CELSR3: variants seen among roughly 807,000 people sequenced by gnomAD.
CELSR3 encodes the protein cadherin EGF LAG seven-pass G-type receptor 3.
In CELSR3, 73 loss-of-function variants were observed where a neutral mutation model predicts 270.0. The observed-to-expected ratio is 0.27, with a 90% CI of 0.22 to 0.33. CELSR3 has a LOEUF of 0.33. Among genes scored for constraint, CELSR3 ranks in the 10% least tolerant of loss-of-function variants. CELSR3 has a pLI of 1.00. For synonymous variants in CELSR3, 1,780 were observed against 1,905.4 expected (o/e 0.93, Z 1.71); for missense variants, 3,614 against 4,533.8 (o/e 0.80, Z 5.83).
rs759393208 is a variant in CELSR3, at chr3:48,645,526, G to A, written c.7714C>T (p.Arg2572Cys). The change falls in exon 24 of 35, where the codon CGT becomes TGT. Residue 2572 changes from arginine to cysteine, a missense_variant. Transcript: ENST00000164024. This position sits in a 1 kb window ranked among gnomAD's most constrained non-coding sequence, Gnocchi z 5.4. ...GCTGCCACATTGGCATGGATCCCAC[G>A]CACATTGGACTTGAGGCTGCGCAGG... ...LSLRSLKSNV[R>C]GIHANVAAAL... is the part of the protein sequence containing the mutation. 19 of 1,612,634 alleles carry A rather than the reference G, an allele frequency of 1.2e-5. No homozygotes were observed. The African/African-American group carries it at 1.3e-4, about 11-fold the overall frequency.
In CELSR3 at chr3:48,661,913, G is replaced by A; in HGVS notation, c.722C>T (p.Ser241Phe). The change falls in exon 1 of 35, where the codon TCT (serine) becomes TTT (phenylalanine). Residue 241 changes from serine (S) to phenylalanine (F), a missense_variant. Physicochemically the swap from Ser to Phe is radical, Grantham distance 155. This residue lies in a region of CELSR3 where 470 missense variants were observed against 469.7 expected (regional missense o/e 1.00). Transcript: ENST00000164024. ...RRNCLPGASG[S>F]GPELDSAPRT... ...TGGTGCTGAATCCAGCTCGGGGCCA[G>A]ATCCCGAGGCCCCTGGAAGACAGTT... 6.2e-7 allele frequency: 1 copy of A among 1,612,734 alleles called. No individual in the cohort carries two copies. Among genetic ancestry groups the A allele is most frequent in the Non-Finnish European group, 8.5e-7 (1 of 1,179,956 alleles).
chr3:48,661,849 G>T lies in CELSR3; in HGVS notation c.786C>A (p.Pro262=), dbSNP rs760881776. The T allele has an allele frequency of 1.6e-5, 26 of 1,610,590 alleles. No homozygotes were observed. The highest frequency in any genetic ancestry group is 6.7e-5 in the Admixed American group (4 of 59,948). ...ARTAPASGSA[P]RESRTAPEPA... ...GCTCGGGAGCTGTCCGAGACTCGCG[G>T]GGTGCTGAACCTGATGCAGGAGCTG... The change falls in exon 1 of 35, where the codon CCC becomes CCA. Residue 262 remains proline, a synonymous_variant. Transcript: ENST00000164024.
In CELSR3 at chr3:48,651,916, G is replaced by C. The variant is rs371994495; in HGVS notation, c.5884C>G (p.Arg1962Gly). Residue 1962 changes from arginine to glycine, a missense_variant, in exon 12 of 35, where the codon CGG becomes GGG. Around this residue, in one of 7 missense-constraint regions of CELSR3, gnomAD observed 1,331 missense variants for 1,933.7 expected, o/e 0.69. Coordinates refer to ENST00000164024, the MANE Select transcript of CELSR3 (RefSeq NM_001407.3). The surrounding 1 kb of genome is among the most constrained non-coding windows in gnomAD (Gnocchi z 7.4). Reference protein sequence around the residue: ...SGPCPPHADCRDLWQTFSCTC... With the variant: ...SGPCPPHADCGDLWQTFSCTC... ...CAAGAAAAGGTCTGCCAGAGGTCCC[G>C]GCAGTCTGCGTGAGGTGGGCAGGGC... 3.7e-6 allele frequency: 6 copies of C among 1,612,398 alleles called. No individual in the cohort carries two copies. The highest frequency in any genetic ancestry group is 1.3e-5 in the African/African-American group (1 of 74,854).
rs2106712777 is a variant in CELSR3, at chr3:48,652,361, T to A, written c.5751+76A>T. The A allele has an allele frequency of 8.4e-7, 1 of 1,195,782 alleles. No homozygotes were observed. The highest frequency in any genetic ancestry group is 2.3e-5 in the East Asian group (1 of 42,902). 74.1% of individuals were successfully genotyped at this position (1,195,782 alleles called of 1,614,324 possible). ...ACCAACCCCCACTTGAATACTGCCT[T>A]TCAGGTCCCAAGGAGCCCCTGACTT... On this transcript the variant is annotated intron_variant, in intron 11 of 34. Transcript: ENST00000164024. This position sits in a 1 kb window ranked among gnomAD's most constrained non-coding sequence, Gnocchi z 4.3.
chr3:48,652,404 T>G lies in CELSR3; in HGVS notation c.5751+33A>C, dbSNP rs1456598525. 3 of 1,519,950 alleles carry G rather than the reference T, an allele frequency of 2.0e-6. No homozygotes were observed. Among genetic ancestry groups the G allele is most frequent in the Non-Finnish European group, 1.8e-6 (2 of 1,094,520 alleles). 94.2% of individuals were successfully genotyped at this position (1,519,950 alleles called of 1,614,324 possible). A position where few individuals can be genotyped will look rare whatever the true frequency, so the allele number is the denominator to read the frequency against. On this transcript the variant is annotated intron_variant, in intron 11 of 34. Coordinates refer to ENST00000164024, the MANE Select transcript of CELSR3 (RefSeq NM_001407.3). The surrounding 1 kb of genome is among the most constrained non-coding windows in gnomAD (Gnocchi z 4.3). Reference sequence around the variant, plus strand: ...CCTGACTTCTGACCCCTGACCCTAATGCCCCATATCACATTCCCATGCTGA... The same window carrying G: ...CCTGACTTCTGACCCCTGACCCTAAGGCCCCATATCACATTCCCATGCTGA...
intron 16 of CELSR3, 65 bp from the exon 17 acceptor site, chr3:48,649,280 G>T: frequency 7.8e-7 from 1 of 1,281,786 alleles, no homozygotes; most frequent in Non-Finnish European, 1.1e-6. Flanking sequence ...GATAACCGCA[G>T]CACCCTCTCC....
chr3:48,637,950 T>G lies in CELSR3; in HGVS notation c.*255A>C. Reference sequence around the variant, plus strand: ...CCCAGGAGACAGAAAAGCTGAAAAATAACATAAGCATCTCTCTGGTTACAA... The same window carrying G: ...CCCAGGAGACAGAAAAGCTGAAAAAGAACATAAGCATCTCTCTGGTTACAA... On this transcript the variant is annotated 3_prime_UTR_variant, in exon 35 of 35. Coordinates refer to ENST00000164024, the MANE Select transcript of CELSR3 (RefSeq NM_001407.3). 1 of 357,562 alleles carries G rather than the reference T, an allele frequency of 2.8e-6. No homozygotes were observed. Among genetic ancestry groups the G allele is most frequent in the South Asian group, 7.5e-5 (1 of 13,312 alleles). 22.1% of individuals were successfully genotyped at this position (357,562 alleles called of 1,614,324 possible).
chr3:48,648,243 G>GC, intron 19 of CELSR3, 23 bp downstream of exon 19: 3 of 532,622 alleles, frequency 5.6e-6, no homozygotes, highest in Non-Finnish European at 9.0e-6. Flanking sequence ...GCTGTGCCCC[G>GC]CCCTACCCCA....
Position 48,659,000 on chromosome 3 carries a change from C to T in CELSR3, c.3635G>A (p.Arg1212His), listed in dbSNP as rs370337034. ...VSDHLFYSFERGNELQLLVVN... is the reference protein window; with the variant it reads ...VSDHLFYSFEHGNELQLLVVN... The stretch of plus-strand genomic sequence containing the variant: ...TACCAGCAGCTGCAGCTCATTGCCA[C>T]GCTCAAAGGAGTAGAAGAGGTGGTC... The change falls in exon 1 of 35, where the codon CGT becomes CAT. Residue 1212 changes from arginine to histidine, a missense_variant. Physicochemically the swap from Arg to His is conservative, Grantham distance 29. Coordinates refer to ENST00000164024, the MANE Select transcript of CELSR3 (RefSeq NM_001407.3). The surrounding 1 kb of genome is among the most constrained non-coding windows in gnomAD (Gnocchi z 4.7). The T allele has an allele frequency of 2.4e-5, 39 of 1,614,070 alleles. No individual in the cohort carries two copies. Among genetic ancestry groups the T allele is most frequent in the Non-Finnish European group, 3.1e-5 (37 of 1,180,048 alleles).
chr3:48,658,049 C>T lies in CELSR3; in HGVS notation c.3749-701G>A, dbSNP rs1273425086. 6.6e-6 allele frequency among the ~76,000 whole-genome samples: 1 copy of T among 152,174 alleles called. No homozygotes were observed. The highest frequency in any genetic ancestry group is 2.4e-5 in the African/African-American group (1 of 41,452). On this transcript the variant is annotated intron_variant, in intron 1 of 34. Transcript: ENST00000164024. This position sits in a 1 kb window ranked among gnomAD's most constrained non-coding sequence, Gnocchi z 4.7. ...TCCAGACCTGGGTCCTGTGGTTTCA[C>T]AGTGACCACCCCAGAGATGAAGGTG...
Position 48,639,983 on chromosome 3 carries a change from C to A in CELSR3, c.9602G>T (p.Arg3201Leu). Residue 3201 changes from arginine to leucine, a missense_variant, in exon 34 of 35, where the codon CGG becomes CTG. Coordinates refer to ENST00000164024, the MANE Select transcript of CELSR3 (RefSeq NM_001407.3). The surrounding 1 kb of genome is among the most constrained non-coding windows in gnomAD (Gnocchi z 4.1). ...GCTAGGCACCTGGTCCAGCTGCTCC[C>A]GAGAGTTCGAGCTCCTAGACAGAGA... ...LDSLSRSSNS[R>L]EQLDQVPSRH... 6.2e-7 allele frequency: 1 copy of A among 1,612,660 alleles called. No homozygotes were observed. Among genetic ancestry groups the A allele is most frequent in the East Asian group, 2.2e-5 (1 of 44,872 alleles).
At position 48,639,724 on chromosome 3, in the gene CELSR3, C is replaced by T. The variant is rs201850388; in HGVS notation, c.9861G>A (p.Thr3287=). The T allele has an allele frequency of 1.8e-4, 291 of 1,612,976 alleles. No homozygotes were observed. Among genetic ancestry groups the T allele is most frequent in the Admixed American group, 5.2e-4 (31 of 59,942 alleles). ...TGCTGTGAGACGTGGCAGAACGTGG[C>T]GTGGAGGGCCCAAGCACAGAGGCTG... The part of the protein sequence containing the change: ...SATASVLGPS[T]PRSATSHSIS... The change falls in exon 34 of 35, where the codon ACG becomes ACA. Residue 3287 remains threonine, a synonymous_variant. Transcript: ENST00000164024. This position sits in a 1 kb window ranked among gnomAD's most constrained non-coding sequence, Gnocchi z 4.1.
chr3:48,648,289 A>G lies in CELSR3; in HGVS notation c.6950T>C (p.Met2317Thr), dbSNP rs200387155. ...ACTGATATTAGGCGTCACCAGCCCC[A>G]TGGGATTCAGGTATGTGAGTTCCAT... is the stretch of plus-strand genomic sequence containing the variant. The part of the protein sequence containing the change: ...RNMELTYLNP[M>T]GLVTPNIMLS... Residue 2317 changes from methionine to threonine, a missense_variant, in exon 19 of 35, where the codon ATG becomes ACG. By Grantham distance (81) the Met-to-Thr change is moderately conservative. Transcript: ENST00000164024. The G allele has an allele frequency of 4.7e-5, 58 of 1,222,006 alleles. No homozygotes were observed. The highest frequency in any genetic ancestry group is 6.2e-5 in the Non-Finnish European group (56 of 908,760). 75.7% of individuals were successfully genotyped at this position (1,222,006 alleles called of 1,614,324 possible).
At position 48,653,747 on chromosome 3, in the gene CELSR3, T is replaced by C. The variant is rs375446641; in HGVS notation, c.5320A>G (p.Ser1774Gly). The change falls in exon 9 of 35, where the codon AGC becomes GGC. Residue 1774 changes from serine to glycine, a missense_variant. By Grantham distance (56) the Ser-to-Gly change is moderately conservative. Transcript: ENST00000164024. The surrounding 1 kb of genome is among the most constrained non-coding windows in gnomAD (Gnocchi z 6.5). ...GCCATGTCACTTCCAAAGTTCCAGC[T>C]CAGTGTGCCGTTGCCACGGAAATGG... Reference protein sequence around the residue: ...PHHFRGNGTLSWNFGSDMAVS... With the variant: ...PHHFRGNGTLGWNFGSDMAVS... The C allele has an allele frequency of 4.3e-6, 7 of 1,614,164 alleles. No individual in the cohort carries two copies. In the African/African-American group the frequency reaches 8.0e-5, roughly 18 times the overall value.
Position 48,642,831 on chromosome 3 carries a change from G to A in CELSR3, c.8460C>T (p.Arg2820=), listed in dbSNP as rs2047041547. The A allele has an allele frequency of 1.2e-6, 2 of 1,613,166 alleles. No homozygotes were observed. Among genetic ancestry groups the A allele is most frequent in the Admixed American group, 3.3e-5 (2 of 60,008 alleles). The change falls in exon 30 of 35, where the codon CGC becomes CGT. Residue 2820 remains arginine, a synonymous_variant. Coordinates refer to ENST00000164024, the MANE Select transcript of CELSR3 (RefSeq NM_001407.3). The surrounding 1 kb of genome is among the most constrained non-coding windows in gnomAD (Gnocchi z 6.1). ...AGACGGTGGAGGCGCCCAGAGTGAT[G>A]CGGATGAGGCCACTCTCCTCAAAGA... ...TALFEESGLI[R]ITLGASTVSS... is the part of the protein sequence containing the mutation.
At position 48,652,000 on chromosome 3, in the gene CELSR3, G is replaced by C. The variant is rs560831990; in HGVS notation, c.5800C>G (p.Pro1934Ala). The C allele has an allele frequency of 7.6e-6, 12 of 1,586,542 alleles. No homozygotes were observed. Among genetic ancestry groups the C allele is most frequent in the Middle Eastern group, 3.5e-4 (2 of 5,758 alleles). The change falls in exon 12 of 35, where the codon CCC (proline) becomes GCC (alanine). Residue 1934 changes from proline to alanine, a missense_variant. Coordinates refer to ENST00000164024, the MANE Select transcript of CELSR3 (RefSeq NM_001407.3). This position sits in a 1 kb window ranked among gnomAD's most constrained non-coding sequence, Gnocchi z 7.4. ...GGCTCCGCATTCACTCGGTGGCTGG[G>C]GGGTAGCAGGGCCGGGGAGCCAGAG... ...TPSGSPALLP[P>A]SHRVNAEPGC...
chr3:48,644,287 C>T lies in CELSR3; in HGVS notation c.8094G>A (p.Gly2698=). 1 of 1,613,106 alleles carries T rather than the reference C, an allele frequency of 6.2e-7. No homozygotes were observed. The highest frequency in any genetic ancestry group is 8.5e-7 in the Non-Finnish European group (1 of 1,179,934). The change falls in exon 27 of 35, where the codon GGG becomes GGA. Residue 2698 remains glycine, a synonymous_variant. Transcript: ENST00000164024. The surrounding 1 kb of genome is among the most constrained non-coding windows in gnomAD (Gnocchi z 4.8). ...TGCGGGCAGCGAGGAGAAACATGGT[C>T]CCGTTCATCTGGACCCACGGCCAGA... ...GPVVLVIVMN[G]TMFLLAARTS...
chr3:48,652,334 G>T lies in CELSR3; in HGVS notation c.5751+103C>A. 1.0e-6 allele frequency: 1 copy of T among 979,328 alleles called. No individual in the cohort carries two copies. The allele number at this position is 979,328 out of a possible 1,614,324, so 60.7% of individuals were successfully genotyped here. A position where few individuals can be genotyped will look rare whatever the true frequency, so the allele number is the denominator to read the frequency against. ...TCAACTCTGGGTCATTCACCCCCTC[G>T]CACCAACCCCCACTTGAATACTGCC... is the stretch of plus-strand genomic sequence containing the variant. On this transcript the variant is annotated intron_variant, in intron 11 of 34. Transcript: ENST00000164024. This position sits in a 1 kb window ranked among gnomAD's most constrained non-coding sequence, Gnocchi z 4.3.
rs1575545615 is a variant in CELSR3, at chr3:48,658,924, G to A, written c.3711C>T (p.Asn1237=). ...ELRLSRKLDN[N]RPLVASMLVT... ...CCAACATGGAGGCCACCAGTGGGCG[G>A]TTATTGTCTAGCTTTCGGCTGAGTC... Residue 1237 remains asparagine, a synonymous_variant, in exon 1 of 35, where the codon AAC becomes AAT. Coordinates refer to ENST00000164024, the MANE Select transcript of CELSR3 (RefSeq NM_001407.3). The surrounding 1 kb of genome is among the most constrained non-coding windows in gnomAD (Gnocchi z 4.7). 6.2e-7 allele frequency: 1 copy of A among 1,614,162 alleles called. No individual in the cohort carries two copies. Among genetic ancestry groups the A allele is most frequent in the Non-Finnish European group, 8.5e-7 (1 of 1,180,000 alleles).
Sources: gnomAD v4.1 joint callset for allele counts (sites outside exome capture counted in the v4.1 genomes callset) on GRCh38, gnomAD v4.1.1 for gene constraint, gnomAD v4.1.1 regional missense constraint, Gnocchi (gnomAD v3.1) non-coding constraint, MANE v1.5 for transcripts, NCBI Gene and HGNC (gene_info 2026-07-23, HGNC 2026-07-21) for gene names.